Variants in RGL2 observed in about 807,000 individuals in gnomAD.
RGL2 encodes the protein ral guanine nucleotide dissociation stimulator-like 2.
A neutral mutation model predicts 84.6 loss-of-function variants in RGL2; 40 were observed. The ratio of observed to expected loss-of-function variants is 0.47; its 90% CI spans 0.37 to 0.62. The LOEUF (loss-of-function observed/expected upper bound fraction) is 0.62, where lower values mean the gene tolerates loss of function less well. Among genes scored for constraint, RGL2 ranks in the 20% least tolerant of loss-of-function variants. RGL2 has a pLI of 0.00. For missense variants in RGL2, 865 were observed against 1,019.7 expected (o/e 0.85, Z 2.07); for synonymous variants, 369 against 417.3 (o/e 0.88, Z 1.41).
rs777062122 is a variant in RGL2 at position 33,294,951 on chromosome 6, C to T, written c.1278+26G>A. Reference sequence around the variant, plus strand: ...CACCCCTTCATAATCACCACCCCCACGCCCACCACCCCGCTAGTCACTCAC... The same window carrying T: ...CACCCCTTCATAATCACCACCCCCATGCCCACCACCCCGCTAGTCACTCAC... On this transcript the variant is annotated intron_variant, in intron 10 of 17. Coordinates refer to ENST00000497454, the MANE Select transcript of RGL2 (RefSeq NM_004761.5). The surrounding 1 kb of genome is among the most constrained non-coding windows in gnomAD (Gnocchi z 5.0). The T allele has an allele frequency of 2.1e-5, 32 of 1,555,044 alleles. No homozygotes were observed. Among genetic ancestry groups the T allele is most frequent in the South Asian group, 1.1e-4 (9 of 84,614 alleles).
At position 33,294,837 on chromosome 6, in the gene RGL2, T is replaced by C. The variant is rs1490535629; in HGVS notation, c.1279-75A>G. 1 of 1,532,250 alleles carries C rather than the reference T, an allele frequency of 6.5e-7. No homozygotes were observed. The highest frequency in any genetic ancestry group is 8.9e-7 in the Non-Finnish European group (1 of 1,119,526). The allele number at this position is 1,532,250 out of a possible 1,614,324, so 94.9% of individuals were successfully genotyped here. ...CTCCATCCCTCCGCACTTGCCCTCC[T>C]CATTGCCTCAGAGAACAGATTTCAT... On this transcript the variant is annotated intron_variant, in intron 10 of 17. Transcript: ENST00000497454. The surrounding 1 kb of genome is among the most constrained non-coding windows in gnomAD (Gnocchi z 5.0).
At position 33,296,443 on chromosome 6, in the gene RGL2, A is replaced by G; in HGVS notation, c.441T>C (p.His147=). 1 of 1,610,942 alleles carries G rather than the reference A, an allele frequency of 6.2e-7. No individual in the cohort carries two copies. The highest frequency in any genetic ancestry group is 8.5e-7 in the Non-Finnish European group (1 of 1,178,368). Residue 147 remains histidine (H), a synonymous_variant, in exon 5 of 18, where the codon CAT becomes CAC. Coordinates refer to ENST00000497454, the MANE Select transcript of RGL2 (RefSeq NM_004761.5). The surrounding 1 kb of genome is among the most constrained non-coding windows in gnomAD (Gnocchi z 5.0). Reference sequence around the variant, plus strand: ...TTGTCCTCTCTAGTTCGTCGGTAGGATGAGATTCAAGGGCTTCCAGCCTGA... The same window carrying G: ...TTGTCCTCTCTAGTTCGTCGGTAGGGTGAGATTCAAGGGCTTCCAGCCTGA... ...MADRLEALES[H]PTDELERTTE... is the part of the protein sequence containing the mutation.
chr6:33,296,205 C>T lies in RGL2; in HGVS notation c.591G>A (p.Gly197=). The change falls in exon 6 of 18, where the codon GGG becomes GGA. Residue 197 remains glycine, a synonymous_variant. Transcript: ENST00000497454. The surrounding 1 kb of genome is among the most constrained non-coding windows in gnomAD (Gnocchi z 5.0). ...SFLLQTGYAA[G]KGVGGGSADL... is the part of the protein sequence containing the mutation. Reference sequence around the variant, plus strand: ...CAGCGCTGCCCCCCCCAACACCCTTCCCTGCTGCATACCCTGTCTGAAGTA... The same window carrying T: ...CAGCGCTGCCCCCCCCAACACCCTTTCCTGCTGCATACCCTGTCTGAAGTA... 6.2e-7 allele frequency: 1 copy of T among 1,613,998 alleles called. No individual in the cohort carries two copies. The highest frequency in any genetic ancestry group is 8.5e-7 in the Non-Finnish European group (1 of 1,179,904).
chr6:33,295,994 C>G lies in RGL2; in HGVS notation c.768+34G>C. 7 of 1,611,692 alleles carry G rather than the reference C, an allele frequency of 4.3e-6. No individual in the cohort carries two copies. Among genetic ancestry groups the G allele is most frequent in the Non-Finnish European group, 5.9e-6 (7 of 1,178,768 alleles). On this transcript the variant is annotated intron_variant, in intron 6 of 17. Transcript: ENST00000497454. This position sits in a 1 kb window ranked among gnomAD's most constrained non-coding sequence, Gnocchi z 7.2. ...AGTCAAGGAGAGGTTAGTAAGGGGT[C>G]AGGGGGCATAGGGGCCAGAGGTCAG...
Position 33,296,037 on chromosome 6 carries a change from C to T in RGL2, c.759G>A (p.Leu253=), listed in dbSNP as rs1336937317. The T allele has an allele frequency of 1.2e-6, 2 of 1,613,670 alleles. No homozygotes were observed. Among genetic ancestry groups the T allele is most frequent in the East Asian group, 4.5e-5 (2 of 44,864 alleles). The stretch of plus-strand genomic sequence containing the variant: ...GAGGTCAGGGTCTCACCGCATCTAG[C>T]AGGGTCAGCTGTTCGGCCAAGTGGT... The part of the protein sequence containing the change: ...LADHLAEQLT[L]LDAELFLNLI... The change falls in exon 6 of 18, where the codon CTG becomes CTA. Residue 253 remains leucine (L), a synonymous_variant. Transcript: ENST00000497454. The surrounding 1 kb of genome is among the most constrained non-coding windows in gnomAD (Gnocchi z 5.0).
rs1347479517 is a variant in RGL2 at position 33,297,348 on chromosome 6, A to T, written c.157-233T>A. The T allele has an allele frequency of 8.1e-6, 4 of 495,166 alleles. No homozygotes were observed. Among genetic ancestry groups the T allele is most frequent in the Non-Finnish European group, 1.4e-5 (4 of 281,588 alleles). The allele number at this position is 495,166 out of a possible 1,614,324, so 30.7% of individuals were successfully genotyped here. The stretch of plus-strand genomic sequence containing the variant: ...GCCCCGGTGGAGTCGAAGGGGCTGC[A>T]GTGGAGGCGTGGATGGAGTACAGGA... On this transcript the variant is annotated intron_variant, in intron 2 of 17. Coordinates refer to ENST00000497454, the MANE Select transcript of RGL2 (RefSeq NM_004761.5). The surrounding 1 kb of genome is among the most constrained non-coding windows in gnomAD (Gnocchi z 4.0).
upstream of RGL2, among the ~76,000 whole-genome samples, chr6:33,299,520 T>G (rs901352320): frequency 6.6e-6 from 1 of 151,900 alleles, no homozygotes; most frequent in Non-Finnish European, 1.5e-5. The surrounding 1 kb of genome is among the most constrained non-coding windows in gnomAD (Gnocchi z 5.0). Flanking sequence ...GTCGGCTCGG[T>G]GTATCCTCGC....
At position 33,296,950 on chromosome 6, in the gene RGL2, G is replaced by A. The variant is rs1768034180; in HGVS notation, c.240+82C>T. The A allele has an allele frequency of 1.3e-6, 2 of 1,522,266 alleles. No homozygotes were observed. The highest frequency in any genetic ancestry group is 1.8e-6 in the Non-Finnish European group (2 of 1,097,200). The allele number at this position is 1,522,266 out of a possible 1,614,324, so 94.3% of individuals were successfully genotyped here. ...TCCAGGACTCCAGAACTCCAACCTA[G>A]CACTCTGGCCAGAAAGTCAGCCAGA... On this transcript the variant is annotated intron_variant, in intron 3 of 17. Coordinates refer to ENST00000497454, the MANE Select transcript of RGL2 (RefSeq NM_004761.5). This position sits in a 1 kb window ranked among gnomAD's most constrained non-coding sequence, Gnocchi z 5.0.
Position 33,292,999 on chromosome 6 carries a change from T to A in RGL2, c.2007+17A>T, listed in dbSNP as rs1354063880. ...GACACCATCCTTCACCCCAACTCCA[T>A]CCCAAGGCTCCCTCACCAAAATGCT... On this transcript the variant is annotated intron_variant, in intron 16 of 17. Coordinates refer to ENST00000497454, the MANE Select transcript of RGL2 (RefSeq NM_004761.5). 4 of 1,614,066 alleles carry A rather than the reference T, an allele frequency of 2.5e-6. No homozygotes were observed. Among genetic ancestry groups the A allele is most frequent in the Non-Finnish European group, 3.4e-6 (4 of 1,180,004 alleles).
Position 33,294,989 on chromosome 6 carries a change from G to A in RGL2, c.1266C>T (p.Gly422=). 1 of 1,579,776 alleles carries A rather than the reference G, an allele frequency of 6.3e-7. No individual in the cohort carries two copies. The highest frequency in any genetic ancestry group is 1.4e-5 in the African/African-American group (1 of 73,970). ...GCTAGTCACTCACCCCACCCCGGGA[G>A]CCAGACCTCGGGGCCTTCTTGGAGT... The part of the protein sequence containing the change: ...EPHSKKAPRS[G]SRGGGVVPYL... Residue 422 remains glycine (G), a synonymous_variant, in exon 10 of 18, where the codon GGC becomes GGT. Transcript: ENST00000497454. The surrounding 1 kb of genome is among the most constrained non-coding windows in gnomAD (Gnocchi z 5.0).
upstream of RGL2, chr6:33,301,521 C>T (rs537349294): frequency 1.9e-6 from 1 of 527,064 alleles, no homozygotes; most frequent in African/African-American, 1.9e-5. Context: ...TTGCAGTAAG[C>T]CAAGATCATG....
At position 33,294,695 on chromosome 6, in the gene RGL2, T is replaced by C. The variant is rs772483946; in HGVS notation, c.1346A>G (p.Glu449Gly). The C allele has an allele frequency of 1.2e-6, 2 of 1,613,916 alleles. No individual in the cohort carries two copies. The highest frequency in any genetic ancestry group is 1.7e-6 in the Non-Finnish European group (2 of 1,179,956). ...CACACACACACCACTGACCTCCAAC[T>C]CATCCTTGGAGGCTGCATCCAGCAT... ...LVMLDAASKD[E>G]LENGYINFDK... Residue 449 changes from glutamate to glycine, a missense_variant, in exon 11 of 18, where the codon GAG becomes GGG. Glu to Gly is a moderately conservative substitution (Grantham distance 98). Transcript: ENST00000497454. This position sits in a 1 kb window ranked among gnomAD's most constrained non-coding sequence, Gnocchi z 5.0.
rs757606653 is a variant in RGL2 at position 33,295,099 on chromosome 6, G to A, written c.1209+28C>T. The A allele has an allele frequency of 3.7e-6, 6 of 1,601,024 alleles. No individual in the cohort carries two copies. In the South Asian group the frequency reaches 5.6e-5, roughly 15 times the overall value. On this transcript the variant is annotated intron_variant, in intron 9 of 17. Transcript: ENST00000497454. The surrounding 1 kb of genome is among the most constrained non-coding windows in gnomAD (Gnocchi z 7.2). The stretch of plus-strand genomic sequence containing the variant: ...GGGGAGCAGTAGGGAACAAGGAGAG[G>A]TGGGAATGCCACAAACCAGGCTCTC...
Position 33,293,495 on chromosome 6 carries a change from G to T in RGL2, c.1634C>A (p.Pro545Gln), listed in dbSNP as rs560815240. The T allele has an allele frequency of 1.2e-6, 2 of 1,614,034 alleles. No individual in the cohort carries two copies. Among genetic ancestry groups the T allele is most frequent in the Non-Finnish European group, 1.7e-6 (2 of 1,179,964 alleles). The change falls in exon 15 of 18, where the codon CCG (proline) becomes CAG (glutamine). Residue 545 changes from proline to glutamine, a missense_variant. Coordinates refer to ENST00000497454, the MANE Select transcript of RGL2 (RefSeq NM_004761.5). The surrounding 1 kb of genome is among the most constrained non-coding windows in gnomAD (Gnocchi z 7.0). ...ACTGGGCCGGTCACAGGACACAAGC[G>T]GGGTAGGGACCCCAACAGAGCCCAA... is the stretch of plus-strand genomic sequence containing the variant. ...EVLGSVGVPTPLVSCDRPSTG... is the reference protein window; with the variant it reads ...EVLGSVGVPTQLVSCDRPSTG...
upstream of RGL2, chr6:33,299,972 A>G (rs1768424146): frequency 6.5e-6 from 1 of 153,704 alleles, no homozygotes; most frequent in African/African-American, 2.4e-5. The surrounding 1 kb of genome is among the most constrained non-coding windows in gnomAD (Gnocchi z 5.0). Context: ...CTTAAATACA[A>G]CTGTGGTGAA....
chr6:33,292,184 C>CCTGAGG lies in RGL2; in HGVS notation c.2246_2251dup (p.Ala749_Ser750dup). On this transcript the variant is annotated inframe_insertion, in exon 18 of 18. Transcript: ENST00000497454. Reference sequence around the variant, plus strand: ...CCCTCCTCCCTCACTCGGAGGAGTTCCTGAGGCAGACGGGCCACTGGTGAC... The same window carrying CCTGAGG: ...CCCTCCTCCCTCACTCGGAGGAGTTCCTGAGGCTGAGGCAGACGGGCCACTGGTGAC... 1 of 1,614,198 alleles carries CCTGAGG rather than the reference C, an allele frequency of 6.2e-7. No homozygotes were observed. The highest frequency in any genetic ancestry group is 8.5e-7 in the Non-Finnish European group (1 of 1,180,042).
At position 33,293,040 on chromosome 6, in the gene RGL2, A is replaced by G. The variant is rs761057092; in HGVS notation, c.1983T>C (p.Asp661=). 6.8e-6 allele frequency: 11 copies of G among 1,613,988 alleles called. No homozygotes were observed. The highest frequency in any genetic ancestry group is 3.3e-5 in the Admixed American group (2 of 60,008). ...CCAAAATGCTCTTATAGACACTGCCATCTTCCCCCAACTCCATCTGGACTC... is the reference window on the plus strand; with the variant it reads ...CCAAAATGCTCTTATAGACACTGCCGTCTTCCCCCAACTCCATCTGGACTC... The part of the protein sequence containing the change: ...IIRVQMELGE[D]GSVYKSILVT... The change falls in exon 16 of 18, where the codon GAT becomes GAC. Residue 661 remains aspartate (D), a synonymous_variant. Coordinates refer to ENST00000497454, the MANE Select transcript of RGL2 (RefSeq NM_004761.5). This position sits in a 1 kb window ranked among gnomAD's most constrained non-coding sequence, Gnocchi z 7.0.
In RGL2 at chr6:33,296,170, C is replaced by T. The variant is rs766074873; in HGVS notation, c.626G>A (p.Arg209His). 9.3e-6 allele frequency: 15 copies of T among 1,613,766 alleles called. No individual in the cohort carries two copies. In the African/African-American group the frequency reaches 1.1e-4, roughly 11 times the overall value. ...GGGGTCCACCCGGGACCGGAGATTG[C>T]GGATGAGGTCAGCGCTGCCCCCCCC... ...GVGGGSADLI[R>H]NLRSRVDPQA... Residue 209 changes from arginine to histidine, a missense_variant, in exon 6 of 18, where the codon CGC becomes CAC. Coordinates refer to ENST00000497454, the MANE Select transcript of RGL2 (RefSeq NM_004761.5). The surrounding 1 kb of genome is among the most constrained non-coding windows in gnomAD (Gnocchi z 5.0).
Position 33,296,345 on chromosome 6 carries a change from C to CA in RGL2, c.471-21dup. 1 of 1,606,866 alleles carries CA rather than the reference C, an allele frequency of 6.2e-7. No individual in the cohort carries two copies. The highest frequency in any genetic ancestry group is 8.5e-7 in the Non-Finnish European group (1 of 1,175,928). On this transcript the variant is annotated intron_variant, in intron 5 of 17. Transcript: ENST00000497454. This position sits in a 1 kb window ranked among gnomAD's most constrained non-coding sequence, Gnocchi z 5.0. ...GCTACCCTGGGAGAAGGGAATCAGC[C>CA]AAGGGTGAGAGGTAAAGCTGCAGCC...
Sources: gnomAD v4.1 joint callset for allele counts (sites outside exome capture counted in the v4.1 genomes callset) on GRCh38, gnomAD v4.1.1 for gene constraint, Gnocchi (gnomAD v3.1) non-coding constraint, MANE v1.5 for transcripts, NCBI Gene and HGNC (gene_info 2026-07-23, HGNC 2026-07-21) for gene names.